Variants in ARL3 observed in about 807,000 individuals in gnomAD.
The protein encoded by ARL3 is ADP-ribosylation factor-like protein 3.
In ARL3, 9 loss-of-function variants were observed where a neutral mutation model predicts 26.0. The ratio of observed to expected loss-of-function variants is 0.35; its 90% CI spans 0.21 to 0.60. The LOEUF (loss-of-function observed/expected upper bound fraction) is 0.60. Among genes scored for constraint, ARL3 ranks in the 20% least tolerant of loss-of-function variants. The probability of loss-of-function intolerance (pLI) is 0.78; values close to 1 mark genes in which losing one functional copy is unlikely to be tolerated. For synonymous variants in ARL3, 71 were observed against 78.4 expected (o/e 0.91, Z 0.50); for missense variants, 158 against 215.7 (o/e 0.73, Z 1.67).
At chr10:102,697,719 G>A (rs1049705801) in intron 3 of ARL3, among the ~76,000 whole-genome samples, 1 of 152,076 alleles carries the variant, frequency 6.6e-6, no homozygotes, top group African/African-American at 2.4e-5. Context: ...AACATTTGGA[G>A]GTTGGGAGAT....
intron 1 of ARL3, among the ~76,000 whole-genome samples, chr10:102,713,407 T>C (rs2064358755): frequency 6.6e-6 from 1 of 152,204 alleles, no homozygotes; most frequent in South Asian, 2.1e-4. Context: ...CGGATTGAAG[T>C]TCGATCTCCA....
chr10:102,682,873 T>C (rs1322815716), intron 5 of ARL3, among the ~76,000 whole-genome samples: 2 of 152,076 alleles, frequency 1.3e-5, no homozygotes, highest in Non-Finnish European at 2.9e-5. Flanking sequence ...ATTCAGTGCC[T>C]AATCATTTGG....
In ARL3 at chr10:102,680,392, T is replaced by C. The variant is rs1362920786; in HGVS notation, c.502-3451A>G. ...AATCTTGCTGAAACTGAATTTGAAT[T>C]GATTAGCTTCAATTCAATAACAGAG... On this transcript the variant is annotated intron_variant, in intron 5 of 5. Coordinates refer to ENST00000260746, the MANE Select transcript of ARL3 (RefSeq NM_004311.4). 2.0e-5 allele frequency among the ~76,000 whole-genome samples: 3 copies of C among 152,294 alleles called. No individual in the cohort carries two copies. In the East Asian group the frequency reaches 5.8e-4, roughly 29 times the overall value.
At chr10:102,707,736 C>T (rs73344427) in intron 1 of ARL3, among the ~76,000 whole-genome samples, 4,602 of 152,258 alleles carry the variant, frequency 0.03, 253 homozygotes, top group African/African-American at 0.1. Flanking sequence ...AGTACTGTAT[C>T]TGTACTGACT....
chr10:102,701,532 T>C (rs2064279380), intron 2 of ARL3, among the ~76,000 whole-genome samples: 1 of 152,176 alleles, frequency 6.6e-6, no homozygotes. Context: ...TAAAGGGAAA[T>C]GGCTTAAGCT....
At chr10:102,704,974 C>T (rs1383835046) in intron 2 of ARL3, among the ~76,000 whole-genome samples, 1 of 152,070 alleles carries the variant, frequency 6.6e-6, no homozygotes, top group East Asian at 1.9e-4. Flanking sequence ...TAAAACGTAC[C>T]ATTTCAGCCA....
chr10:102,696,208 C>G (rs1396566740), intron 3 of ARL3, among the ~76,000 whole-genome samples: 1 of 151,910 alleles, frequency 6.6e-6, no homozygotes, highest in Admixed American at 6.6e-5. Flanking sequence ...TCGTGATCCA[C>G]CCACCTCGGC....
chr10:102,708,922 T>TTTTTTTTTTA (rs2064324467), intron 1 of ARL3, among the ~76,000 whole-genome samples: 1 of 122,032 alleles, frequency 8.2e-6, no homozygotes, highest in African/African-American at 3.6e-5. Flanking sequence ...TTTTTTTTTT[T>TTTTTTTTTTA]GAGACAAGGT....
rs865874060 is a variant in ARL3, at chr10:102,692,647, C to A, written c.265-2704G>T. ...GCCAGGCTGGCCTCGAACTCCTGAC[C>A]TCAGGTGATCCACCCACCTCAGCCT... On this transcript the variant is annotated intron_variant, in intron 3 of 5. Coordinates refer to ENST00000260746, the MANE Select transcript of ARL3 (RefSeq NM_004311.4). Among the ~76,000 whole-genome samples the A allele has an allele frequency of 6.6e-5, 10 of 152,210 alleles. No homozygotes were observed. In the South Asian group the frequency reaches 1.4e-3, roughly 22 times the overall value.
intron 5 of ARL3, among the ~76,000 whole-genome samples, chr10:102,685,069 G>A (rs1481498046): frequency 2.0e-5 from 3 of 151,296 alleles, no homozygotes; most frequent in East Asian, 3.9e-4. Flanking sequence ...TCAACATGGC[G>A]AAATCCCGTT....
At chr10:102,703,766 C>T (rs182782525) in intron 2 of ARL3, among the ~76,000 whole-genome samples, 35 of 152,068 alleles carry the variant, frequency 2.3e-4, no homozygotes, top group Non-Finnish European at 3.5e-4. Flanking sequence ...TAAACCTCCA[C>T]GCTGTGAGCA....
chr10:102,678,249 C>A (rs752185432), intron 5 of ARL3, among the ~76,000 whole-genome samples: 9 of 152,130 alleles, frequency 5.9e-5, no homozygotes, highest in Non-Finnish European at 1.0e-4. Flanking sequence ...GGGGGAAGGG[C>A]AGAGGAATGC....
chr10:102,679,359 A>G (rs1349106200), intron 5 of ARL3, among the ~76,000 whole-genome samples: 2 of 152,188 alleles, frequency 1.3e-5, no homozygotes, highest in Non-Finnish European at 2.9e-5. Flanking sequence ...AGAACCTAAC[A>G]TGATGTCTAG....
At chr10:102,686,084 T>C in intron 4 of ARL3, 83 bp from the exon 5 acceptor site, 6 of 1,284,072 alleles carry the variant, frequency 4.7e-6, no homozygotes, top group Non-Finnish European at 6.4e-6. Context: ...TTTTTTTTTT[T>C]TTTTTGAGAC....
At chr10:102,704,320 T>C (rs1392641243) in intron 2 of ARL3, among the ~76,000 whole-genome samples, 1 of 152,040 alleles carries the variant, frequency 6.6e-6, no homozygotes, top group Non-Finnish European at 1.5e-5. Context: ...ACTACTTTCA[T>C]AATCAGAGAA....
chr10:102,679,254 C>T (rs2064143868), intron 5 of ARL3, among the ~76,000 whole-genome samples: 1 of 152,190 alleles, frequency 6.6e-6, no homozygotes, highest in Admixed American at 6.5e-5. Flanking sequence ...TCAGGGCAAG[C>T]TTTGTCAAGC....
At chr10:102,703,171 GAGTGC>G (rs2064289602) in intron 2 of ARL3, among the ~76,000 whole-genome samples, 2 of 142,608 alleles carry the variant, frequency 1.4e-5, no homozygotes, top group African/African-American at 5.1e-5. Flanking sequence ...CGCCAGGCTG[GAGTGC>G]AATGGCACAA....
intron 2 of ARL3, among the ~76,000 whole-genome samples, chr10:102,699,735 T>C (rs1170187674): frequency 2.0e-5 from 3 of 152,206 alleles, no homozygotes; most frequent in African/African-American, 7.2e-5. Context: ...ACAATGAACA[T>C]ATATACATAT....
At chr10:102,708,909 T>TATATA (rs561344200) in intron 1 of ARL3, among the ~76,000 whole-genome samples, 6,623 of 79,326 alleles carry the variant, frequency 0.083, 210 homozygotes, top group Non-Finnish European at 0.12. Flanking sequence ...TATATATATA[T>TATATA]TTTTTTTTTT....
Sources: gnomAD v4.1 joint callset for allele counts (sites outside exome capture counted in the v4.1 genomes callset) on GRCh38, gnomAD v4.1.1 for gene constraint, MANE v1.5 for transcripts, NCBI Gene and HGNC (gene_info 2026-07-23, HGNC 2026-07-21) for gene names.